Variants in NELL2 observed in about 807,000 individuals in gnomAD.
The protein encoded by NELL2 is neural EGFL like 2, also known as protein kinase C-binding protein NELL2.
NELL2 carries 41 observed loss-of-function variants against 109.6 expected under a neutral mutation model. The observed-to-expected ratio is 0.37, with a 90% confidence interval of 0.29 to 0.49. NELL2 has a LOEUF of 0.49. NELL2 is among the 20% of genes least tolerant of loss of function. The pLI is 0.98. For missense variants in NELL2, 900 were observed against 1,008.3 expected (o/e 0.89, Z 1.45); for synonymous variants, 355 against 344.7 (o/e 1.03, Z -0.33).
chr12:44,917,647 A>G (rs1945838389), upstream of NELL2, among the ~76,000 whole-genome samples: 2 of 152,220 alleles, frequency 1.3e-5, no homozygotes, highest in Non-Finnish European at 2.9e-5. Context: ...AGGATTTTGC[A>G]GAGGTAATTA....
intron 3 of NELL2, among the ~76,000 whole-genome samples, chr12:44,803,783 G>C (rs1238559284): frequency 6.6e-6 from 1 of 151,796 alleles, no homozygotes; most frequent in African/African-American, 2.4e-5. Context: ...CATCAATTCA[G>C]ACACAAATAA....
At chr12:44,677,259 C>T (rs1359348962) in intron 12 of NELL2, among the ~76,000 whole-genome samples, 2 of 152,146 alleles carry the variant, frequency 1.3e-5, no homozygotes, top group Non-Finnish European at 2.9e-5. Flanking sequence ...AGGTCTTACA[C>T]ACTATATGAG....
intron 15 of NELL2, among the ~76,000 whole-genome samples, chr12:44,578,352 A>C (rs1023561594): frequency 3.3e-5 from 5 of 152,108 alleles, no homozygotes; most frequent in African/African-American, 7.2e-5. Context: ...ATCCTATCAC[A>C]GAGTACTTCA....
At chr12:44,675,737 T>C (rs1413600067) in intron 12 of NELL2, among the ~76,000 whole-genome samples, 1 of 152,230 alleles carries the variant, frequency 6.6e-6, no homozygotes, top group South Asian at 2.1e-4. Flanking sequence ...TTGGACTTCA[T>C]CCTATGTAAA....
intron 9 of NELL2, among the ~76,000 whole-genome samples, chr12:44,765,727 G>A (rs117904830): frequency 0.013 from 1,928 of 152,294 alleles, 21 homozygotes; most frequent in Non-Finnish European, 0.018. Context: ...GCAATTTCAT[G>A]TGGTATTTTT....
chr12:44,663,123 AT>A (rs1373321859), intron 13 of NELL2, among the ~76,000 whole-genome samples: 1 of 152,194 alleles, frequency 6.6e-6, no homozygotes, highest in African/African-American at 2.4e-5. Context: ...TAGGGGAGTA[AT>A]TTCTTTAAGA....
chr12:44,786,181 AG>A (rs1233099104), intron 3 of NELL2, among the ~76,000 whole-genome samples: 19 of 152,208 alleles, frequency 1.2e-4, no homozygotes, highest in Non-Finnish European at 1.5e-5. Flanking sequence ...TAAATTTACA[AG>A]AAAAAAAACA....
chr12:44,915,253 G>A (rs749567187), upstream of NELL2, among the ~76,000 whole-genome samples: 1 of 152,140 alleles, frequency 6.6e-6, no homozygotes, highest in Non-Finnish European at 1.5e-5. Flanking sequence ...TAAAAATAAT[G>A]TACTTTTTGT....
intron 15 of NELL2, among the ~76,000 whole-genome samples, chr12:44,561,649 A>T (rs2136182554): frequency 6.6e-6 from 1 of 152,350 alleles, no homozygotes; most frequent in East Asian, 1.9e-4. Context: ...ACTACAAACC[A>T]CTGCTCAAGG....
At chr12:44,536,619 T>C (rs1366774412) in intron 15 of NELL2, among the ~76,000 whole-genome samples, 1 of 152,078 alleles carries the variant, frequency 6.6e-6, no homozygotes, top group Non-Finnish European at 1.5e-5. Context: ...TATAAGCTTA[T>C]ATGACTTAGT....
At chr12:44,756,350 G>A (rs1024535267) in intron 9 of NELL2, among the ~76,000 whole-genome samples, 1 of 151,702 alleles carries the variant, frequency 6.6e-6, no homozygotes, top group African/African-American at 2.4e-5. Context: ...TCAAATGCTA[G>A]TGAATACGTG....
chr12:44,808,348 T>C (rs971179903), intron 3 of NELL2, among the ~76,000 whole-genome samples: 1 of 152,032 alleles, frequency 6.6e-6, no homozygotes, highest in Admixed American at 6.6e-5. Context: ...ATTTACTTTC[T>C]TTGATGAGCA....
intron 15 of NELL2, among the ~76,000 whole-genome samples, chr12:44,578,270 T>C (rs1944185158): frequency 6.6e-6 from 1 of 152,038 alleles, no homozygotes; most frequent in Admixed American, 6.6e-5. Context: ...ATCTTTAAAA[T>C]ACAGGATACC....
chr12:44,844,386 C>T (rs1944312118), intron 2 of NELL2, among the ~76,000 whole-genome samples: 1 of 152,202 alleles, frequency 6.6e-6, no homozygotes, highest in Non-Finnish European at 1.5e-5. Flanking sequence ...AGATGTATAA[C>T]AACATGGATG....
At position 44,611,611 on chromosome 12, in the gene NELL2, C is replaced by T. The variant is rs1164330669; in HGVS notation, c.1445-641G>A. Among the ~76,000 whole-genome samples the T allele has an allele frequency of 6.6e-5, 10 of 152,164 alleles. No homozygotes were observed. The East Asian group carries it at 1.9e-3, about 29-fold the overall frequency. ...GAATATGTAATCAATATAGTATCTG[C>T]TCTAACTGCTTATAACTTGAAACTC... On this transcript the variant is annotated intron_variant, in intron 13 of 19. Transcript: ENST00000429094.
intron 12 of NELL2, among the ~76,000 whole-genome samples, chr12:44,690,104 T>G (rs796782257): frequency 3.3e-5 from 5 of 152,282 alleles, no homozygotes; most frequent in African/African-American, 1.2e-4. Flanking sequence ...TTGTAAAAAT[T>G]TGAGACCCAA....
intron 13 of NELL2, among the ~76,000 whole-genome samples, chr12:44,621,459 T>C (rs1449677877): frequency 5.9e-5 from 9 of 152,084 alleles, no homozygotes; most frequent in Non-Finnish European, 1.3e-4. Flanking sequence ...AGATTCCTCC[T>C]CTACAAAATG....
chr12:44,587,212 C>T (rs1421846745), intron 15 of NELL2, among the ~76,000 whole-genome samples: 2 of 141,040 alleles, frequency 1.4e-5, no homozygotes, highest in East Asian at 4.2e-4. Context: ...ACAGAGGTTG[C>T]AGTGAGCTGA....
intron 15 of NELL2, among the ~76,000 whole-genome samples, chr12:44,551,563 TTC>T (rs1277881858): frequency 2.0e-5 from 3 of 152,154 alleles, no homozygotes; most frequent in Non-Finnish European, 4.4e-5. Context: ...CTCAATGGCC[TTC>T]TCCTCTCCCA....
Sources: gnomAD v4.1 joint callset for allele counts (sites outside exome capture counted in the v4.1 genomes callset) on GRCh38, gnomAD v4.1.1 for gene constraint, MANE v1.5 for transcripts, NCBI Gene and HGNC (gene_info 2026-07-23, HGNC 2026-07-21) for gene names.